PDLIM7: variants seen among roughly 807,000 people sequenced by gnomAD.
PDLIM7 encodes the protein PDZ and LIM domain protein 7.
PDLIM7 carries 37 observed loss-of-function variants against 53.9 expected under a neutral mutation model. The observed-to-expected ratio is 0.69, with a 90% CI of 0.53 to 0.90. The LOEUF (loss-of-function observed/expected upper bound fraction) is 0.90, where lower values mean the gene tolerates loss of function less well. PDLIM7 is among the 40% of genes least tolerant of loss of function. The probability of loss-of-function intolerance (pLI) is 0.00; values close to 1 mark genes in which losing one functional copy is unlikely to be tolerated. For missense variants in PDLIM7, 617 were observed against 638.5 expected, an observed-to-expected ratio of 0.97 and a Z score of 0.36; for synonymous variants, 300 against 261.3, an observed-to-expected ratio of 1.15 and a Z score of -1.43.
chr5:177,490,712 GGGAAGGAAGGAAGGAAGGAAGGAA>G (rs573434723), intron 7 of PDLIM7, 134 bp downstream of exon 7: 85 of 631,024 alleles, frequency 1.3e-4, no homozygotes, highest in South Asian at 6.3e-4. Context: ...GAAGGAGGAA[GGGAAGGAAGGAAGGAAGGAAGGAA>G]GGAAGGAAGG....
At chr5:177,490,681 G>T in intron 7 of PDLIM7, 189 bp downstream of exon 7, 1 of 940,438 alleles carries the variant, frequency 1.1e-6, no homozygotes, top group Non-Finnish European at 1.6e-6. Context: ...AAGGAGGGAG[G>T]GAAGAAATGA....
chr5:177,488,010 A>C, intron 10 of PDLIM7, 58 bp downstream of exon 10: 1 of 1,507,420 alleles, frequency 6.6e-7, no homozygotes, highest in Non-Finnish European at 8.9e-7. Context: ...GTTTCCCAGC[A>C]GCCCTCGTTC....
intron 5 of PDLIM7, chr5:177,491,395 C>G (rs1397393728): frequency 6.4e-7 from 1 of 1,552,002 alleles, no homozygotes; most frequent in African/African-American, 1.4e-5. Flanking sequence ...CAGAGGGGGG[C>G]TCACTGACTT....
chr5:177,486,681 C>T (rs1332214387), intron 10 of PDLIM7, among the ~76,000 whole-genome samples: 1 of 152,216 alleles, frequency 6.6e-6, no homozygotes, highest in East Asian at 1.9e-4. Context: ...CTCTGTCGCC[C>T]AGGCTGGAGT....
intron 5 of PDLIM7, 186 bp from the exon 6 acceptor site, chr5:177,491,332 G>T: frequency 6.5e-7 from 1 of 1,530,422 alleles, no homozygotes; most frequent in South Asian, 1.2e-5. Flanking sequence ...AGGGCAGCCA[G>T]GGTGGGGAGG....
intron 9 of PDLIM7, 92 bp downstream of exon 9, chr5:177,489,301 C>G: frequency 4.1e-6 from 4 of 971,058 alleles, no homozygotes; most frequent in Non-Finnish European, 6.1e-6. Context: ...CTTATTCCCC[C>G]CAGTCGCAGC....
chr5:177,490,060 T>A, intron 7 of PDLIM7: 1 of 1,531,378 alleles, frequency 6.5e-7, no homozygotes, highest in Non-Finnish European at 8.7e-7. Flanking sequence ...CTCCCGCTTC[T>A]GAGGCAGCTC....
chr5:177,491,450 T>G (rs769748401), intron 5 of PDLIM7: 6 of 1,523,312 alleles, frequency 3.9e-6, no homozygotes, highest in Non-Finnish European at 5.3e-6. Context: ...GACAGACAGA[T>G]AAAGGGACAA....
rs576141698 is a variant in PDLIM7, at chr5:177,492,597, A to C, written c.177T>G (p.Gly59=). The C allele has an allele frequency of 1.2e-6, 2 of 1,613,374 alleles. No homozygotes were observed. The highest frequency in any genetic ancestry group is 2.7e-5 in the African/African-American group (2 of 75,032). ...TCTGAGCTTCGATGTGTGTGAGGCT[A>C]CCCGCATTCTCGCCATCGATGCTCA... ...WVLSIDGENA[G]SLTHIEAQNK... The change falls in exon 3 of 13, where the codon GGT becomes GGG. Residue 59 remains glycine (G), a synonymous_variant. Coordinates refer to ENST00000355841, the MANE Select transcript of PDLIM7 (RefSeq NM_005451.5).
intron 10 of PDLIM7, 73 bp downstream of exon 10, chr5:177,487,995 T>C: frequency 1.4e-6 from 2 of 1,460,310 alleles, no homozygotes; most frequent in Non-Finnish European, 1.8e-6. Flanking sequence ...AGACCTGGAC[T>C]GTGGGTTTCC....
chr5:177,497,248 A>C (rs1232932356), intron 1 of PDLIM7, among the ~76,000 whole-genome samples: 6 of 152,010 alleles, frequency 3.9e-5, no homozygotes, highest in Non-Finnish European at 7.4e-5. Context: ...CCTCCCACAC[A>C]GAACTGCTCC....
chr5:177,487,579 C>A (rs1758526884), intron 10 of PDLIM7, among the ~76,000 whole-genome samples: 1 of 152,242 alleles, frequency 6.6e-6, no homozygotes, highest in Non-Finnish European at 1.5e-5. Flanking sequence ...AGACCACCCA[C>A]CCCGGGATGT....
intron 6 of PDLIM7, 45 bp downstream of exon 6, chr5:177,490,965 G>C (rs1402874091): frequency 6.2e-7 from 1 of 1,613,928 alleles, no homozygotes; most frequent in Non-Finnish European, 8.5e-7. Flanking sequence ...ATCACGCCTG[G>C]GCTGGGGGCG....
Position 177,491,728 on chromosome 5 carries a change from A to G in PDLIM7, c.398+79T>C, listed in dbSNP as rs1413041110. ...TCCGCCGGGCTGGGGCGCAGCACAG[A>G]CTGAGCAGCAGCGGGCAGCGGGCGT... is the stretch of plus-strand genomic sequence containing the variant. On this transcript the variant is annotated intron_variant, in intron 5 of 12. Transcript: ENST00000355841. 1.9e-5 allele frequency: 15 copies of G among 771,690 alleles called. 1 individual carries two copies. The highest frequency in any genetic ancestry group is 2.6e-5 in the Non-Finnish European group (14 of 536,190). 47.8% of individuals were successfully genotyped at this position (771,690 alleles called of 1,614,324 possible).
At chr5:177,492,069 G>T in intron 4 of PDLIM7, 144 bp from the exon 5 acceptor site, 2 of 463,456 alleles carry the variant, frequency 4.3e-6, no homozygotes, top group Non-Finnish European at 7.5e-6. Context: ...GAGGCTACGG[G>T]GAGAGGACGA....
At chr5:177,484,048 AC>A (rs746118019) in intron 11 of PDLIM7, 21 bp downstream of exon 11, 1 of 1,613,502 alleles carries the variant, frequency 6.2e-7, no homozygotes, top group Admixed American at 1.7e-5. Flanking sequence ...ATCCCTCCTC[AC>A]CCTCACTGGC....
chr5:177,491,975 G>A, intron 4 of PDLIM7, 50 bp from the exon 5 acceptor site: 2 of 821,220 alleles, frequency 2.4e-6, no homozygotes, highest in East Asian at 3.2e-5. Context: ...TAAGGTGGGG[G>A]CCTGGGTGGA....
At chr5:177,487,754 G>C in intron 10 of PDLIM7, 1 of 256,644 alleles carries the variant, frequency 3.9e-6, no homozygotes. Context: ...AGCAGCTTCA[G>C]CGTGTCAAGT....
rs376772527 is a variant in PDLIM7 at position 177,492,608 on chromosome 5, C to G, written c.166G>C (p.Glu56Gln). 1 of 1,612,562 alleles carries G rather than the reference C, an allele frequency of 6.2e-7. No homozygotes were observed. ...ATGTGTGTGAGGCTACCCGCATTCT[C>G]GCCATCGATGCTCAGCACCCAGTCA... ...VGDWVLSIDGENAGSLTHIEA... is the reference protein window; with the variant it reads ...VGDWVLSIDGQNAGSLTHIEA... Residue 56 changes from glutamate (E) to glutamine (Q), a missense_variant, in exon 3 of 13, where the codon GAG (glutamate) becomes CAG (glutamine). Coordinates refer to ENST00000355841, the MANE Select transcript of PDLIM7 (RefSeq NM_005451.5).
Sources: gnomAD v4.1 joint callset for allele counts (sites outside exome capture counted in the v4.1 genomes callset) on GRCh38, gnomAD v4.1.1 for gene constraint, MANE v1.5 for transcripts, NCBI Gene and HGNC (gene_info 2026-07-23, HGNC 2026-07-21) for gene names.